Variants in FANCC observed in about 807,000 individuals in gnomAD.
FANCC encodes FA complementation group C, also known as Fanconi anemia group C protein.
A neutral mutation model predicts 71.3 loss-of-function variants in FANCC; 55 were observed. The observed-to-expected ratio is 0.77, with a 90% confidence interval of 0.62 to 0.97. FANCC has a LOEUF of 0.97. FANCC is among the 50% of genes least tolerant of loss of function. The pLI is 0.00. For missense variants in FANCC, 678 were observed against 670.9 expected, an observed-to-expected ratio of 1.01 and a Z score of -0.12; for synonymous variants, 275 against 244.9, an observed-to-expected ratio of 1.12 and a Z score of -1.15.
chr9:95,296,765 T>C (rs1345186969), intron 1 of FANCC, among the ~76,000 whole-genome samples: 1 of 152,196 alleles, frequency 6.6e-6, no homozygotes, highest in African/African-American at 2.4e-5. Context: ...AACACTGACA[T>C]TCACACTCAA....
chr9:95,119,352 C>T (rs1329687192), intron 10 of FANCC, among the ~76,000 whole-genome samples: 1 of 132,682 alleles, frequency 7.5e-6, no homozygotes, highest in African/African-American at 2.9e-5. Flanking sequence ...TCAGTTCCTT[C>T]TTTCTTCCTT....
At chr9:95,166,425 C>T (rs1831073519) in intron 6 of FANCC, among the ~76,000 whole-genome samples, 1 of 152,048 alleles carries the variant, frequency 6.6e-6, no homozygotes, top group South Asian at 2.1e-4. Flanking sequence ...TTACATTAAA[C>T]ATCTTAGAGT....
At chr9:95,148,437 T>G (rs1285587575) in intron 7 of FANCC, among the ~76,000 whole-genome samples, 1 of 152,194 alleles carries the variant, frequency 6.6e-6, no homozygotes, top group Non-Finnish European at 1.5e-5. Context: ...TCTCAATAAT[T>G]AGCAAAGTGA....
At chr9:95,220,249 AACACTTTTAC>A in intron 4 of FANCC, among the ~76,000 whole-genome samples, 1 of 152,226 alleles carries the variant, frequency 6.6e-6, no homozygotes, top group Non-Finnish European at 1.5e-5. Context: ...GAGAAATAGG[AACACTTTTAC>A]ACTGTTGGTG....
chr9:95,291,967 A>AAAAAAAAAT (rs1441757988), intron 1 of FANCC, among the ~76,000 whole-genome samples: 3 of 50,408 alleles, frequency 6.0e-5, no homozygotes, highest in Non-Finnish European at 1.0e-4. Context: ...AAAAAAAAAA[A>AAAAAAAAAT]ATATATATAT....
intron 1 of FANCC, among the ~76,000 whole-genome samples, chr9:95,283,677 T>A (rs1833503124): frequency 6.6e-6 from 1 of 152,210 alleles, no homozygotes; most frequent in Non-Finnish European, 1.5e-5. Flanking sequence ...AGCAAATAAC[T>A]CACTTTACAA....
chr9:95,236,822 A>G (rs1564782532), intron 4 of FANCC, among the ~76,000 whole-genome samples: 1 of 152,240 alleles, frequency 6.6e-6, no homozygotes, highest in Non-Finnish European at 1.5e-5. Flanking sequence ...AAACATTAAA[A>G]TATGGCTGTT....
chr9:95,172,199 C>T, intron 4 of FANCC, 52 bp from the exon 5 acceptor site: 1 of 1,167,114 alleles, frequency 8.6e-7, no homozygotes, highest in Non-Finnish European at 1.3e-6. Context: ...AATGCAAGTG[C>T]CTTTTATGTA....
intron 4 of FANCC, among the ~76,000 whole-genome samples, chr9:95,189,930 T>A (rs1826982546): frequency 6.6e-6 from 1 of 152,150 alleles, no homozygotes; most frequent in Non-Finnish European, 1.5e-5. Flanking sequence ...ACCACAACCC[T>A]TGAAGGGAAG....
intron 1 of FANCC, among the ~76,000 whole-genome samples, chr9:95,258,505 A>C (rs1350866458): frequency 6.6e-6 from 1 of 152,094 alleles, no homozygotes; most frequent in East Asian, 1.9e-4. Context: ...CATGCTAAAA[A>C]CTCTCAATAA....
chr9:95,142,131 T>A (rs1445834567), intron 7 of FANCC, among the ~76,000 whole-genome samples: 1 of 151,814 alleles, frequency 6.6e-6, no homozygotes. Context: ...TAGCTGGGAC[T>A]ACAGGCACCT....
intron 1 of FANCC, among the ~76,000 whole-genome samples, chr9:95,268,474 T>G (rs986220951): frequency 3.3e-5 from 5 of 152,234 alleles, no homozygotes; most frequent in African/African-American, 1.2e-4. Flanking sequence ...ACTTCCAAAT[T>G]TCTCTACTAC....
At chr9:95,291,992 ATT>A (rs1834048440) in intron 1 of FANCC, among the ~76,000 whole-genome samples, 2 of 138,256 alleles carry the variant, frequency 1.4e-5, no homozygotes, top group African/African-American at 2.6e-5. Context: ...ATATATATAT[ATT>A]AAGACCCCAA....
intron 6 of FANCC, among the ~76,000 whole-genome samples, chr9:95,155,669 C>T (rs971972747): frequency 1.6e-4 from 25 of 152,058 alleles, no homozygotes; most frequent in African/African-American, 6.0e-4. Context: ...GTCTCCTGGA[C>T]CACAATTAAA....
chr9:95,195,917 G>C (rs771032196), intron 4 of FANCC, among the ~76,000 whole-genome samples: 23 of 152,262 alleles, frequency 1.5e-4, no homozygotes, highest in Middle Eastern at 3.4e-3. Context: ...TTCATTGATA[G>C]TATACGGAGA....
At chr9:95,169,677 A>G (rs1333532319) in intron 6 of FANCC, among the ~76,000 whole-genome samples, 7 of 152,234 alleles carry the variant, frequency 4.6e-5, no homozygotes, top group Non-Finnish European at 8.8e-5. Context: ...CAATGTGGCT[A>G]TTCTAGACTT....
intron 4 of FANCC, among the ~76,000 whole-genome samples, chr9:95,175,623 G>A (rs1825967125): frequency 6.6e-6 from 1 of 152,206 alleles, no homozygotes; most frequent in Non-Finnish European, 1.5e-5. Context: ...GCAGAGTCAG[G>A]GAGCTCAGGT....
chr9:95,110,609 A>C (rs2071839263), intron 13 of FANCC: 1 of 1,039,716 alleles, frequency 9.6e-7, no homozygotes, highest in Non-Finnish European at 1.2e-6. Flanking sequence ...TATGCCATGC[A>C]AGCCTTTAAA....
chr9:95,305,542 T>A (rs890691587), intron 1 of FANCC, among the ~76,000 whole-genome samples: 2 of 152,206 alleles, frequency 1.3e-5, no homozygotes, highest in African/African-American at 4.8e-5. Context: ...ACTAATACAA[T>A]CCTTAAACAG....
Sources: gnomAD v4.1 joint callset for allele counts (sites outside exome capture counted in the v4.1 genomes callset) on GRCh38, gnomAD v4.1.1 for gene constraint, MANE v1.5 for transcripts, NCBI Gene and HGNC (gene_info 2026-07-23, HGNC 2026-07-21) for gene names.